Variants in CCDC172 observed in about 807,000 individuals in gnomAD.
The protein encoded by CCDC172 is coiled-coil domain-containing protein 172.
A neutral mutation model predicts 38.0 loss-of-function variants in CCDC172; 30 were observed. The ratio of observed to expected loss-of-function variants is 0.79; its 90% CI spans 0.59 to 1.07. CCDC172 has a LOEUF of 1.07. CCDC172 is among the 50% of genes least tolerant of loss of function. CCDC172 has a pLI of 0.00. For synonymous variants in CCDC172, 78 were observed against 88.3 expected (o/e 0.88, Z 0.66); for missense variants, 297 against 290.1 (o/e 1.02, Z -0.17).
intron 7 of CCDC172, among the ~76,000 whole-genome samples, chr10:116,377,958 ATC>A (rs1845268168): frequency 6.6e-6 from 1 of 152,164 alleles, no homozygotes; most frequent in Non-Finnish European, 1.5e-5. Flanking sequence ...AGGCAGGTGA[ATC>A]ACTTGATGTC....
intron 5 of CCDC172, among the ~76,000 whole-genome samples, chr10:116,353,242 T>C (rs1844954941): frequency 2.0e-5 from 3 of 151,502 alleles, no homozygotes; most frequent in African/African-American, 4.9e-5. Flanking sequence ...TACACAAAAA[T>C]TAACTCAAAA....
intron 5 of CCDC172, among the ~76,000 whole-genome samples, chr10:116,344,014 C>A (rs1216854331): frequency 3.3e-5 from 5 of 151,918 alleles, no homozygotes; most frequent in African/African-American, 7.3e-5. Context: ...AGTAAGGCTA[C>A]CAAAGTTGTT....
intron 3 of CCDC172, among the ~76,000 whole-genome samples, chr10:116,329,955 T>G (rs1041934074): frequency 2.0e-5 from 3 of 152,238 alleles, no homozygotes; most frequent in African/African-American, 7.2e-5. Context: ...ACATCTAAAG[T>G]ACTTTTATAT....
At chr10:116,365,261 G>A (rs776406440) in intron 7 of CCDC172, among the ~76,000 whole-genome samples, 1 of 152,116 alleles carries the variant, frequency 6.6e-6, no homozygotes, top group Non-Finnish European at 1.5e-5. Flanking sequence ...GCTAAATAGG[G>A]AAGTACTTCC....
At chr10:116,375,419 A>C (rs1845232911) in intron 7 of CCDC172, among the ~76,000 whole-genome samples, 2 of 151,836 alleles carry the variant, frequency 1.3e-5, no homozygotes, top group Admixed American at 1.3e-4. Context: ...TACATTAGGT[A>C]TTTCTCCTAA....
intron 7 of CCDC172, among the ~76,000 whole-genome samples, chr10:116,369,389 T>C (rs1194565787): frequency 6.6e-6 from 1 of 152,074 alleles, no homozygotes; most frequent in African/African-American, 2.4e-5. Flanking sequence ...TGATTCATCC[T>C]TCCTGTGTTT....
intron 3 of CCDC172, among the ~76,000 whole-genome samples, chr10:116,328,503 G>A: frequency 6.6e-6 from 1 of 151,932 alleles, no homozygotes. Context: ...TTAAAATTTT[G>A]ACATTTAATT....
intron 3 of CCDC172, among the ~76,000 whole-genome samples, chr10:116,331,826 T>G (rs1844666657): frequency 6.6e-6 from 1 of 152,124 alleles, no homozygotes; most frequent in Non-Finnish European, 1.5e-5. Context: ...GCCTCACAGG[T>G]TTCCCCTGTT....
At chr10:116,325,206 G>A in intron 2 of CCDC172, 97 bp from the exon 3 acceptor site, 12 of 1,463,038 alleles carry the variant, frequency 8.2e-6, no homozygotes, top group Non-Finnish European at 1.1e-5. Context: ...TGCATGCCAT[G>A]CTGAGGGAAA....
intron 5 of CCDC172, among the ~76,000 whole-genome samples, chr10:116,348,413 A>G (rs938555591): frequency 2.6e-5 from 4 of 151,986 alleles, no homozygotes; most frequent in African/African-American, 9.7e-5. Flanking sequence ...GCCCATAACT[A>G]TGATTAGTCA....
chr10:116,334,271 C>G (rs932155620), intron 3 of CCDC172, among the ~76,000 whole-genome samples: 11 of 152,182 alleles, frequency 7.2e-5, no homozygotes, highest in Admixed American at 1.3e-4. Context: ...AATTCTGAGG[C>G]CTTCTACCAT....
intron 5 of CCDC172, among the ~76,000 whole-genome samples, chr10:116,353,790 T>C: frequency 6.6e-6 from 1 of 152,206 alleles, no homozygotes; most frequent in Non-Finnish European, 1.5e-5. Context: ...TTGCTTACAT[T>C]ATTAGTTATC....
rs771433548 is a variant in CCDC172 at position 116,325,105 on chromosome 10, G to T, written c.79+15G>T. On this transcript the variant is annotated intron_variant, in intron 2 of 8. Coordinates refer to ENST00000333254, the MANE Select transcript of CCDC172 (RefSeq NM_198515.3). The stretch of plus-strand genomic sequence containing the variant: ...GATGCGAGAAGGTCGGGGTATTTCT[G>T]TCCTTTGCATGGGGCCTTTTGTCTT... 1 of 1,613,054 alleles carries T rather than the reference G, an allele frequency of 6.2e-7. No homozygotes were observed. Among genetic ancestry groups the T allele is most frequent in the Non-Finnish European group, 8.5e-7 (1 of 1,179,354 alleles).
At chr10:116,364,082 A>G (rs1845095746) in intron 7 of CCDC172, among the ~76,000 whole-genome samples, 1 of 152,180 alleles carries the variant, frequency 6.6e-6, no homozygotes, top group Non-Finnish European at 1.5e-5. Flanking sequence ...ATAAAAATCC[A>G]TTAGAAAACA....
chr10:116,333,687 C>T (rs1844693928), intron 3 of CCDC172, among the ~76,000 whole-genome samples: 1 of 152,108 alleles, frequency 6.6e-6, no homozygotes, highest in South Asian at 2.1e-4. Flanking sequence ...CTTGACCGGT[C>T]AGTATTTGTG....
At chr10:116,344,071 T>C (rs768082677) in intron 5 of CCDC172, among the ~76,000 whole-genome samples, 1 of 152,002 alleles carries the variant, frequency 6.6e-6, no homozygotes, top group South Asian at 2.1e-4. Flanking sequence ...CAAAAACAAA[T>C]AGCTAAAAGG....
Position 116,342,038 on chromosome 10 carries a change from G to T in CCDC172, c.285G>T (p.Glu95Asp), listed in dbSNP as rs1157371273. 1 of 1,485,444 alleles carries T rather than the reference G, an allele frequency of 6.7e-7. No individual in the cohort carries two copies. Among genetic ancestry groups the T allele is most frequent in the South Asian group, 1.3e-5 (1 of 76,396 alleles). The allele number at this position is 1,485,444 out of a possible 1,614,324, so 92.0% of individuals were successfully genotyped here. ...NHRNMLLQTF[E>D]AIKKQMIEEE... ...GATCTTTTATTTATGTTTTTCAGGA[G>T]GCTATAAAGAAACAAATGATAGAGG... The change falls in exon 5 of 9, where the codon GAG becomes GAT. Residue 95 changes from glutamate (E) to aspartate (D), a missense_variant and splice_region_variant. Transcript: ENST00000333254.
At chr10:116,347,719 T>TATC (rs1555179652) in intron 5 of CCDC172, among the ~76,000 whole-genome samples, 2 of 152,066 alleles carry the variant, frequency 1.3e-5, no homozygotes, top group Non-Finnish European at 1.5e-5. Context: ...GTTCTAAAAG[T>TATC]ATCAGCCAGT....
chr10:116,357,787 C>G, intron 6 of CCDC172, 49 bp from the exon 7 acceptor site: 1 of 1,011,658 alleles, frequency 9.9e-7, no homozygotes, highest in East Asian at 2.6e-5. Context: ...TAAAGATAAT[C>G]TTTATGTTTA....
Sources: allele counts gnomAD v4.1 joint callset (sites outside exome capture counted in the v4.1 genomes callset), GRCh38; gene constraint gnomAD v4.1.1; transcripts MANE v1.5; gene names NCBI Gene and HGNC (gene_info 2026-07-23, HGNC 2026-07-21).